Variants in RIPOR2 observed in about 807,000 individuals in gnomAD.
RIPOR2 encodes the protein RHO family interacting cell polarization regulator 2, also known as rho family-interacting cell polarization regulator 2.
In RIPOR2, 39 loss-of-function variants were observed where a neutral mutation model predicts 114.5. That is an observed-to-expected ratio of 0.34 (90% CI 0.26 to 0.44). The LOEUF is 0.44. Ranked by LOEUF, RIPOR2 falls within the 20% of genes least tolerant of loss-of-function variation. RIPOR2 has a pLI of 1.00. For missense variants in RIPOR2, 1,007 were observed against 1,255.1 expected, an observed-to-expected ratio of 0.80 and a Z score of 2.99; for synonymous variants, 445 against 484.4, an observed-to-expected ratio of 0.92 and a Z score of 1.07.
chr6:24,961,588 C>T (rs2114221796), intron 1 of RIPOR2, among the ~76,000 whole-genome samples: 1 of 151,864 alleles, frequency 6.6e-6, no homozygotes, highest in South Asian at 2.1e-4. Context: ...TAAGAAAATC[C>T]CTATTTATTT....
chr6:24,927,182 T>TACAATCACCAC, intron 1 of RIPOR2, among the ~76,000 whole-genome samples: 5 of 3,228 alleles, frequency 1.5e-3, no homozygotes, highest in Non-Finnish European at 1.6e-3. Context: ...ACCACCACCA[T>TACAATCACCAC]GACCACCACC....
rs1291891011 is a variant in RIPOR2, at chr6:24,828,363, A to G, written c.2507-68T>C. 7.4e-6 allele frequency: 8 copies of G among 1,078,764 alleles called. No homozygotes were observed. The Admixed American group carries it at 1.7e-4, about 23-fold the overall frequency. The allele number at this position is 1,078,764 out of a possible 1,614,324, so 66.8% of individuals were successfully genotyped here. A position where few individuals can be genotyped will look rare whatever the true frequency, so the allele number is the denominator to read the frequency against. On this transcript the variant is annotated intron_variant, in intron 17 of 21. Coordinates refer to ENST00000643898, the MANE Select transcript of RIPOR2 (RefSeq NM_001286445.3). ...CCATTCATTCATTCATTCATTCAATAATTTTTATTTTTATTTTTATTTTAG... is the reference window on the plus strand; with the variant it reads ...CCATTCATTCATTCATTCATTCAATGATTTTTATTTTTATTTTTATTTTAG...
At chr6:24,924,227 G>C (rs1041621621) in intron 1 of RIPOR2, among the ~76,000 whole-genome samples, 33 of 152,250 alleles carry the variant, frequency 2.2e-4, no homozygotes, top group South Asian at 6.2e-4. Context: ...CTGAGGCCTG[G>C]CACCATCACT....
chr6:24,891,505 G>T (rs537458717), intron 1 of RIPOR2, among the ~76,000 whole-genome samples: 72 of 141,092 alleles, frequency 5.1e-4, no homozygotes, highest in African/African-American at 2.0e-3. Flanking sequence ...TGTAATGACA[G>T]TAACGAGATA....
intron 1 of RIPOR2, among the ~76,000 whole-genome samples, chr6:25,038,419 C>T (rs1777341784): frequency 6.6e-6 from 1 of 152,210 alleles, no homozygotes; most frequent in South Asian, 2.1e-4. Flanking sequence ...AGTCCTTGAT[C>T]AGTCAATTTT....
chr6:24,884,877 GC>G (rs1487650132), intron 1 of RIPOR2, among the ~76,000 whole-genome samples: 1 of 152,214 alleles, frequency 6.6e-6, no homozygotes, highest in East Asian at 1.9e-4. Flanking sequence ...AAGGCAAAGT[GC>G]TTGAGAAACC....
intron 1 of RIPOR2, among the ~76,000 whole-genome samples, chr6:25,017,832 G>C (rs1463353644): frequency 2.6e-5 from 4 of 152,226 alleles, no homozygotes; most frequent in African/African-American, 7.2e-5. Flanking sequence ...AGCCCAGTGG[G>C]CTTGCATTGG....
intron 9 of RIPOR2, among the ~76,000 whole-genome samples, chr6:24,851,875 T>C (rs1379884469): frequency 6.6e-6 from 1 of 152,142 alleles, no homozygotes; most frequent in Non-Finnish European, 1.5e-5. Context: ...GTTGAGGGCT[T>C]AGTAATGCCT....
intron 1 of RIPOR2, among the ~76,000 whole-genome samples, chr6:25,018,399 T>C (rs760083839): frequency 5.9e-5 from 9 of 152,250 alleles, no homozygotes; most frequent in Non-Finnish European, 1.3e-4. Context: ...ATGATATTCA[T>C]TGAATACTAT....
intron 1 of RIPOR2, among the ~76,000 whole-genome samples, chr6:24,991,505 G>A (rs1010912582): frequency 6.6e-6 from 1 of 152,152 alleles, no homozygotes; most frequent in Non-Finnish European, 1.5e-5. Flanking sequence ...ACCTCAACCA[G>A]CTAACTGCTA....
chr6:24,936,418 T>C (rs1771812869), upstream of RIPOR2, among the ~76,000 whole-genome samples: 1 of 152,226 alleles, frequency 6.6e-6, no homozygotes, highest in Non-Finnish European at 1.5e-5. Context: ...TCAGTAATAG[T>C]TGCATTTTTC....
intron 15 of RIPOR2, among the ~76,000 whole-genome samples, chr6:24,834,650 T>A (rs927192720): frequency 6.6e-5 from 10 of 151,366 alleles, no homozygotes; most frequent in African/African-American, 2.4e-4. Context: ...CAGAAAGGAG[T>A]AGAACCATTG....
At chr6:24,947,671 G>C (rs1246488288) in intron 1 of RIPOR2, among the ~76,000 whole-genome samples, 1 of 151,750 alleles carries the variant, frequency 6.6e-6, no homozygotes, top group Non-Finnish European at 1.5e-5. Context: ...TTCAAAAAGG[G>C]GCTCTACCTT....
At chr6:24,882,645 A>T (rs1477145356) in intron 1 of RIPOR2, among the ~76,000 whole-genome samples, 2 of 152,166 alleles carry the variant, frequency 1.3e-5, no homozygotes, top group Non-Finnish European at 2.9e-5. Flanking sequence ...CGTTTGTATC[A>T]TCCAAAGACA....
intron 1 of RIPOR2, among the ~76,000 whole-genome samples, chr6:24,894,678 G>A (rs565903869): frequency 9.9e-5 from 15 of 152,246 alleles, no homozygotes; most frequent in African/African-American, 2.9e-4. Context: ...GTCCCCAGGC[G>A]TTTTACTTTC....
At chr6:24,997,997 C>T (rs1775120799) in intron 1 of RIPOR2, among the ~76,000 whole-genome samples, 1 of 152,064 alleles carries the variant, frequency 6.6e-6, no homozygotes, top group Non-Finnish European at 1.5e-5. Flanking sequence ...TGCACTGGAG[C>T]AATCAAAAAA....
intron 1 of RIPOR2, chr6:24,977,012 A>G (rs1774090996): frequency 6.7e-7 from 1 of 1,493,202 alleles, no homozygotes; most frequent in Non-Finnish European, 9.2e-7. Context: ...TAACCACCAG[A>G]TCATTCCTTC....
At chr6:24,836,925 A>G (rs1319237854) in intron 14 of RIPOR2, among the ~76,000 whole-genome samples, 3 of 152,202 alleles carry the variant, frequency 2.0e-5, no homozygotes, top group Non-Finnish European at 2.9e-5. Flanking sequence ...TCAATGATGT[A>G]TAACATTTAT....
intron 1 of RIPOR2, among the ~76,000 whole-genome samples, chr6:24,964,533 A>G (rs439918): frequency 0.83 from 125,881 of 152,190 alleles, 54,670 homozygotes; most frequent in East Asian, 0.96. Flanking sequence ...TTGTTTAGCA[A>G]TTCCCCTACT....
Sources: gnomAD v4.1 joint callset for allele counts (sites outside exome capture counted in the v4.1 genomes callset) on GRCh38, gnomAD v4.1.1 for gene constraint, MANE v1.5 for transcripts, NCBI Gene and HGNC (gene_info 2026-07-23, HGNC 2026-07-21) for gene names.